IL1R1: variants seen among roughly 807,000 people sequenced by gnomAD.
The protein encoded by IL1R1 is interleukin-1 receptor type 1.
Under a neutral mutation model 50.2 loss-of-function variants are expected in IL1R1, and 22 were observed. The observed-to-expected ratio is 0.44, with a 90% CI of 0.31 to 0.63. IL1R1 has a LOEUF of 0.63. IL1R1 is among the 20% of genes least tolerant of loss of function. IL1R1 has a pLI of 0.07. For missense variants in IL1R1, 509 were observed against 676.2 expected, an observed-to-expected ratio of 0.75 and a Z score of 2.74; for synonymous variants, 251 against 236.7, an observed-to-expected ratio of 1.06 and a Z score of -0.55.
chr2:102,078,948 T>C (rs936959429), intron 1 of IL1R1, among the ~76,000 whole-genome samples: 3 of 152,052 alleles, frequency 2.0e-5, no homozygotes, highest in African/African-American at 7.2e-5. Context: ...CAAAAATCAA[T>C]CAATGTAATG....
intron 2 of IL1R1, among the ~76,000 whole-genome samples, chr2:102,154,427 A>G (rs1306732052): frequency 6.6e-6 from 1 of 152,140 alleles, no homozygotes; most frequent in Non-Finnish European, 1.5e-5. Flanking sequence ...ATCTGGGTCT[A>G]TGACACTGTG....
intron 3 of IL1R1, among the ~76,000 whole-genome samples, chr2:102,159,800 G>A (rs889559182): frequency 6.6e-6 from 1 of 152,130 alleles, no homozygotes; most frequent in African/African-American, 2.4e-5. Context: ...CAAGCCTGCT[G>A]GTTTTCAAAG....
In IL1R1 at chr2:102,168,616, G is replaced by A. The variant is rs867765901; in HGVS notation, c.674G>A (p.Arg225Lys). The A allele has an allele frequency of 5.6e-6, 9 of 1,613,906 alleles. No individual in the cohort carries two copies. The Middle Eastern group carries it at 1.2e-3, about 207-fold the overall frequency. Residue 225 changes from arginine (R) to lysine (K), a missense_variant, in exon 7 of 12, where the codon AGG becomes AAG. By Grantham distance (26) the Arg-to-Lys change is conservative. Coordinates refer to ENST00000410023, the MANE Select transcript of IL1R1 (RefSeq NM_000877.4). ...CTTTCAGAGGAAAACAAACCCACAAGGCCTGTGATTGTGAGCCCAGCTAAT... is the reference window on the plus strand; with the variant it reads ...CTTTCAGAGGAAAACAAACCCACAAAGCCTGTGATTGTGAGCCCAGCTAAT... Reference protein sequence around the residue: ...FITLEENKPTRPVIVSPANET... With the variant: ...FITLEENKPTKPVIVSPANET...
chr2:102,080,190 A>G (rs1170002549), intron 1 of IL1R1, among the ~76,000 whole-genome samples: 2 of 152,208 alleles, frequency 1.3e-5, no homozygotes, highest in Non-Finnish European at 2.9e-5. Flanking sequence ...TGCTTCCTTA[A>G]GTATACAGCG....
At chr2:102,131,086 G>A (rs1682004730) in intron 1 of IL1R1, among the ~76,000 whole-genome samples, 1 of 152,118 alleles carries the variant, frequency 6.6e-6, no homozygotes, top group Non-Finnish European at 1.5e-5. Flanking sequence ...TGGACAGGAG[G>A]AGGAATAATT....
At chr2:102,071,844 C>T (rs1471338332) in intron 1 of IL1R1, among the ~76,000 whole-genome samples, 2 of 152,186 alleles carry the variant, frequency 1.3e-5, no homozygotes, top group Non-Finnish European at 2.9e-5. Context: ...TGCCGGTGTC[C>T]TCTCCTAGAC....
intron 6 of IL1R1, among the ~76,000 whole-genome samples, chr2:102,168,141 A>G (rs1023988393): frequency 6.6e-6 from 1 of 152,212 alleles, no homozygotes; most frequent in Non-Finnish European, 1.5e-5. Context: ...CTATTTTAAT[A>G]AATTACAGCA....
At position 102,174,568 on chromosome 2, in the gene IL1R1, T is replaced by C; in HGVS notation, c.992-19T>C. On this transcript the variant is annotated intron_variant, in intron 9 of 11. Coordinates refer to ENST00000410023, the MANE Select transcript of IL1R1 (RefSeq NM_000877.4). ...TTGGTTCTAATATTTTTTCTCCTTT[T>C]TTTTTCTTTTTGCTATAGTCACTAA... 1 of 1,536,042 alleles carries C rather than the reference T, an allele frequency of 6.5e-7. No homozygotes were observed. Among genetic ancestry groups the C allele is most frequent in the Non-Finnish European group, 8.7e-7 (1 of 1,147,576 alleles).
upstream of IL1R1, among the ~76,000 whole-genome samples, chr2:102,137,850 T>C (rs1002605546): frequency 7.2e-5 from 11 of 152,024 alleles, no homozygotes; most frequent in Non-Finnish European, 4.4e-5. Flanking sequence ...ACATTGACAG[T>C]TATATTCAGA....
At chr2:102,154,599 CCTGT>C (rs1054058496) in intron 2 of IL1R1, among the ~76,000 whole-genome samples, 1 of 152,150 alleles carries the variant, frequency 6.6e-6, no homozygotes, top group Non-Finnish European at 1.5e-5. Context: ...CCCCCGCCTG[CCTGT>C]CTGTCACTGC....
In IL1R1 at chr2:102,165,095, C is replaced by T. The variant is rs1380778279; in HGVS notation, c.297-20C>T. ...AATACTTTTAATAATGCTTAACTTA[C>T]CTATTTTATTTTATTTTAGAAATTC... is the stretch of plus-strand genomic sequence containing the variant. On this transcript the variant is annotated intron_variant, in intron 4 of 11. Transcript: ENST00000410023. The T allele has an allele frequency of 6.5e-7, 1 of 1,539,756 alleles. No homozygotes were observed. Among genetic ancestry groups the T allele is most frequent in the South Asian group, 1.2e-5 (1 of 82,970 alleles).
At chr2:102,110,903 C>T (rs922763637) in intron 1 of IL1R1, among the ~76,000 whole-genome samples, 5 of 151,898 alleles carry the variant, frequency 3.3e-5, no homozygotes, top group Non-Finnish European at 5.9e-5. Context: ...GCAGAGACAG[C>T]GAGTAGGGAG....
chr2:102,143,060 G>C (rs1054211484), intron 1 of IL1R1, 40 bp downstream of exon 1: 1 of 152,444 alleles, frequency 6.6e-6, no homozygotes. Flanking sequence ...AGGTAGGGGT[G>C]AGACGGACCA....
chr2:102,079,887 A>G (rs1202596487), intron 1 of IL1R1, among the ~76,000 whole-genome samples: 1 of 152,192 alleles, frequency 6.6e-6, no homozygotes, highest in East Asian at 1.9e-4. Context: ...CAGAGTATAA[A>G]TATAAAAATC....
At chr2:102,157,690 GTCTT>G in intron 2 of IL1R1, 25 bp from the exon 3 acceptor site, 6 of 1,483,070 alleles carry the variant, frequency 4.0e-6, no homozygotes, top group Non-Finnish European at 5.6e-6. Context: ...TTTTGCTTTT[GTCTT>G]TCTTTCGTTC....
intron 1 of IL1R1, among the ~76,000 whole-genome samples, chr2:102,110,967 T>C (rs1005573513): frequency 1.3e-5 from 2 of 151,784 alleles, no homozygotes; most frequent in East Asian, 3.9e-4. Context: ...AGTGATGAAG[T>C]CTGAGGCATG....
chr2:102,086,340 T>C (rs1679427894), intron 1 of IL1R1, among the ~76,000 whole-genome samples: 1 of 152,192 alleles, frequency 6.6e-6, no homozygotes, highest in Non-Finnish European at 1.5e-5. Context: ...CTGTATGTGA[T>C]GGGTCGTTTT....
intron 1 of IL1R1, among the ~76,000 whole-genome samples, chr2:102,122,375 A>G (rs1377198666): frequency 6.6e-6 from 1 of 152,192 alleles, no homozygotes; most frequent in Non-Finnish European, 1.5e-5. Context: ...TTTATACTGA[A>G]GTCAGAGTTT....
At chr2:102,126,192 G>T (rs1052646225) in intron 1 of IL1R1, among the ~76,000 whole-genome samples, 1 of 152,208 alleles carries the variant, frequency 6.6e-6, no homozygotes, top group Non-Finnish European at 1.5e-5. Context: ...AGATATAAAA[G>T]GTAGTCCATA....
Sources: allele counts gnomAD v4.1 joint callset (sites outside exome capture counted in the v4.1 genomes callset), GRCh38; gene constraint gnomAD v4.1.1; transcripts MANE v1.5; gene names NCBI Gene and HGNC (gene_info 2026-07-23, HGNC 2026-07-21).